Variants in MRPL1 observed in about 807,000 individuals in gnomAD.
MRPL1 encodes large ribosomal subunit protein uL1m.
A neutral mutation model predicts 38.0 loss-of-function variants in MRPL1; 28 were observed. The observed-to-expected ratio is 0.74, with a 90% CI of 0.55 to 1.01. The LOEUF (loss-of-function observed/expected upper bound fraction) is 1.01. Among genes scored for constraint, MRPL1 ranks in the 50% least tolerant of loss-of-function variants. The pLI is 0.00. For missense variants in MRPL1, 358 were observed against 389.8 expected (o/e 0.92, Z 0.69); for synonymous variants, 123 against 126.7 (o/e 0.97, Z 0.20).
At chr4:77,951,496 C>T (rs1302881422) in intron 8 of MRPL1, among the ~76,000 whole-genome samples, 1 of 152,132 alleles carries the variant, frequency 6.6e-6, no homozygotes, top group Non-Finnish European at 1.5e-5. Context: ...AACTATCTTC[C>T]CCTTCTTATA....
intron 7 of MRPL1, among the ~76,000 whole-genome samples, chr4:77,921,227 C>T (rs992696762): frequency 1.3e-5 from 2 of 152,154 alleles, no homozygotes; most frequent in Admixed American, 6.5e-5. Flanking sequence ...GAATGCCTGC[C>T]GAGTGGCAAA....
chr4:77,881,674 C>T (rs550404296), intron 2 of MRPL1, among the ~76,000 whole-genome samples: 17 of 152,268 alleles, frequency 1.1e-4, no homozygotes, highest in Admixed American at 4.6e-4. Flanking sequence ...CTCCTGGCCT[C>T]AAACAGTCCT....
At chr4:77,935,710 T>C (rs944971920) in intron 7 of MRPL1, among the ~76,000 whole-genome samples, 2 of 152,290 alleles carry the variant, frequency 1.3e-5, no homozygotes, top group East Asian at 3.9e-4. Flanking sequence ...ATAATTCTTA[T>C]ATTGCTTTAT....
At chr4:77,926,016 T>C (rs1353999540) in intron 7 of MRPL1, among the ~76,000 whole-genome samples, 3 of 152,188 alleles carry the variant, frequency 2.0e-5, no homozygotes, top group African/African-American at 7.2e-5. Context: ...ATTAGAAAAT[T>C]CCAACTCTTA....
At chr4:77,920,593 C>T (rs1439018323) in intron 7 of MRPL1, among the ~76,000 whole-genome samples, 1 of 152,196 alleles carries the variant, frequency 6.6e-6, no homozygotes, top group Non-Finnish European at 1.5e-5. Flanking sequence ...CATGTGGGAT[C>T]ACCTGAGGTT....
chr4:77,917,605 C>A (rs1036345709), intron 7 of MRPL1, among the ~76,000 whole-genome samples: 1 of 152,042 alleles, frequency 6.6e-6, no homozygotes, highest in Admixed American at 6.6e-5. Flanking sequence ...TATGTAAATT[C>A]TCTTTAACAA....
intron 1 of MRPL1, among the ~76,000 whole-genome samples, chr4:77,867,150 C>G (rs1191635978): frequency 6.6e-6 from 1 of 152,164 alleles, no homozygotes; most frequent in African/African-American, 2.4e-5. Context: ...CCTCCATCCC[C>G]CAATTATTTT....
At chr4:77,904,028 G>T (rs1329759715) in intron 6 of MRPL1, among the ~76,000 whole-genome samples, 1 of 151,428 alleles carries the variant, frequency 6.6e-6, no homozygotes. Flanking sequence ...GGACGGTTTC[G>T]TGAGTTCAGG....
In MRPL1 at chr4:77,909,337, GA is replaced by G. The variant is rs748892221; in HGVS notation, c.745del (p.Arg249GlyfsTer9). On this transcript the variant is annotated frameshift_variant, in exon 7 of 9. Transcript: ENST00000315567. LOFTEE classifies it high-confidence loss of function. ...KNGHEIKVDE[E>X]RENFLQTKIA... ...TGGACATGAAATTAAGGTAGATGAA[GA>G]AAGGGAGAACTTTCTCCAGACCAAA... is the stretch of plus-strand genomic sequence containing the variant. The G allele has an allele frequency of 6.2e-7, 1 of 1,609,182 alleles. No homozygotes were observed. The highest frequency in any genetic ancestry group is 1.1e-5 in the South Asian group (1 of 89,910).
intron 1 of MRPL1, among the ~76,000 whole-genome samples, chr4:77,871,506 G>A (rs144119190): frequency 0.032 from 4,925 of 151,892 alleles, 261 homozygotes; most frequent in African/African-American, 0.11. Context: ...GGGTTTCACC[G>A]TGTTAGCAAG....
intron 7 of MRPL1, among the ~76,000 whole-genome samples, chr4:77,945,127 C>CAAT (rs561898211): frequency 3.3e-5 from 4 of 120,348 alleles, no homozygotes; most frequent in South Asian, 5.9e-4. Flanking sequence ...GCTGCACCAT[C>CAAT]AATTATTATT....
chr4:77,909,205 A>G, intron 6 of MRPL1, 61 bp from the exon 7 acceptor site: 1 of 993,340 alleles, frequency 1.0e-6, no homozygotes, highest in Non-Finnish European at 1.6e-6. Context: ...TGTTTCTTTT[A>G]TTCAGTAATT....
Position 77,929,691 on chromosome 4 carries a change from CAG to C in MRPL1, c.778-20103_778-20102del, listed in dbSNP as rs1001272070. 7.9e-5 allele frequency among the ~76,000 whole-genome samples: 12 copies of C among 151,752 alleles called. 1 individual carries two copies. Among genetic ancestry groups the C allele is most frequent in the Admixed American group, 5.9e-4 (9 of 15,246 alleles). The stretch of plus-strand genomic sequence containing the variant: ...TGTAGATAAATAATGTTTTCTAAAA[CAG>C]AGGCTGGCAAACAATGGCTCCGTGG... On this transcript the variant is annotated intron_variant, in intron 7 of 8. Transcript: ENST00000315567.
chr4:77,893,442 T>C (rs991806701), intron 5 of MRPL1, among the ~76,000 whole-genome samples: 3 of 152,244 alleles, frequency 2.0e-5, no homozygotes, highest in African/African-American at 7.2e-5. Context: ...TAGAGTATAT[T>C]AAGTAGAGTT....
chr4:77,899,396 A>G (rs900419270), intron 6 of MRPL1, among the ~76,000 whole-genome samples: 1 of 151,938 alleles, frequency 6.6e-6, no homozygotes, highest in Non-Finnish European at 1.5e-5. Context: ...TCCAGCTGCG[A>G]TCTTAGTTTT....
At chr4:77,911,850 T>A (rs1736296565) in intron 7 of MRPL1, among the ~76,000 whole-genome samples, 2 of 152,138 alleles carry the variant, frequency 1.3e-5, no homozygotes, top group African/African-American at 2.4e-5. Flanking sequence ...AAACTAAATT[T>A]TAGCAAATAG....
intron 7 of MRPL1, among the ~76,000 whole-genome samples, chr4:77,915,840 C>T (rs1027667704): frequency 6.6e-6 from 1 of 152,154 alleles, no homozygotes; most frequent in African/African-American, 2.4e-5. Flanking sequence ...ATACGTTGAA[C>T]ATCATGAAGA....
chr4:77,879,874 TTGTCATTA>T (rs1415277195), intron 2 of MRPL1, among the ~76,000 whole-genome samples: 4 of 152,166 alleles, frequency 2.6e-5, no homozygotes, highest in Non-Finnish European at 5.9e-5. Context: ...AAAATGAGCA[TTGTCATTA>T]TCTAATATTC....
chr4:77,877,919 G>T (rs1306730666), intron 2 of MRPL1, among the ~76,000 whole-genome samples: 1 of 151,882 alleles, frequency 6.6e-6, no homozygotes, highest in Non-Finnish European at 1.5e-5. Context: ...GTGGGGGGAC[G>T]GCGCGCTTCT....
Sources: allele counts gnomAD v4.1 joint callset (sites outside exome capture counted in the v4.1 genomes callset), GRCh38; gene constraint gnomAD v4.1.1; transcripts MANE v1.5; gene names NCBI Gene and HGNC (gene_info 2026-07-23, HGNC 2026-07-21).